NCALD: variants seen among roughly 807,000 people sequenced by gnomAD.
NCALD encodes the protein neurocalcin-delta.
NCALD carries 10 observed loss-of-function variants against 18.6 expected under a neutral mutation model. That is an observed-to-expected ratio of 0.54 (90% CI 0.33 to 0.91). The LOEUF is 0.91. NCALD is among the 40% of genes least tolerant of loss of function. The probability of loss-of-function intolerance (pLI) is 0.03; values close to 1 mark genes in which losing one functional copy is unlikely to be tolerated. For missense variants in NCALD, 184 were observed against 247.6 expected, an observed-to-expected ratio of 0.74 and a Z score of 1.72; for synonymous variants, 88 against 87.4, an observed-to-expected ratio of 1.01 and a Z score of -0.04.
chr8:101,998,816 T>C (rs936648982), intron 2 of NCALD, among the ~76,000 whole-genome samples: 1 of 152,170 alleles, frequency 6.6e-6, no homozygotes, highest in African/African-American at 2.4e-5. Context: ...GACCCCAGTG[T>C]AACCAGTTTT....
intron 2 of NCALD, among the ~76,000 whole-genome samples, chr8:101,944,734 C>A (rs969525435): frequency 1.3e-5 from 2 of 152,146 alleles, no homozygotes; most frequent in African/African-American, 4.8e-5. Flanking sequence ...ATGGTGATGG[C>A]AGCCCTCTTT....
chr8:101,897,516 T>C (rs75670740), intron 3 of NCALD, among the ~76,000 whole-genome samples: 1 of 147,684 alleles, frequency 6.8e-6, no homozygotes, highest in African/African-American at 2.5e-5. Flanking sequence ...TAAAGTATAA[T>C]AAAAAAAAAA....
chr8:101,862,164 AATC>A (rs1197528099), intron 4 of NCALD, among the ~76,000 whole-genome samples: 1 of 152,236 alleles, frequency 6.6e-6, no homozygotes, highest in Non-Finnish European at 1.5e-5. Context: ...ACTTAAAATC[AATC>A]CAAAACAAAG....
chr8:102,054,705 GATAGATAGA>G (rs1563578254), intron 1 of NCALD, among the ~76,000 whole-genome samples: 3 of 115,406 alleles, frequency 2.6e-5, no homozygotes, highest in African/African-American at 9.2e-5. Context: ...TAGATAGATA[GATAGATAGA>G]TAGATATCCT....
At chr8:101,731,648 C>T (rs907586874) in intron 1 of NCALD, among the ~76,000 whole-genome samples, 1 of 152,102 alleles carries the variant, frequency 6.6e-6, no homozygotes, top group African/African-American at 2.4e-5. Flanking sequence ...CATGTAAATA[C>T]GCTCTCTCCT....
At chr8:102,051,527 A>AAGGCAC (rs2132223653) in intron 1 of NCALD, among the ~76,000 whole-genome samples, 1 of 152,306 alleles carries the variant, frequency 6.6e-6, no homozygotes, top group South Asian at 2.1e-4. Context: ...ATTGTTATAA[A>AAGGCAC]AATATAAAAC....
At chr8:102,052,586 A>G (rs1823492529) in intron 1 of NCALD, among the ~76,000 whole-genome samples, 2 of 152,358 alleles carry the variant, frequency 1.3e-5, no homozygotes, top group South Asian at 4.1e-4. Context: ...TTCCTTAAAG[A>G]CTTCCATCTC....
chr8:101,910,378 CAGAA>C (rs1817751981), intron 3 of NCALD, among the ~76,000 whole-genome samples: 1 of 151,992 alleles, frequency 6.6e-6, no homozygotes, highest in African/African-American at 2.4e-5. Flanking sequence ...CTGAGGTCGC[CAGAA>C]AAGGAGAGCT....
intron 4 of NCALD, among the ~76,000 whole-genome samples, chr8:101,882,789 T>TG (rs1267024411): frequency 2.0e-5 from 3 of 152,204 alleles, no homozygotes; most frequent in Non-Finnish European, 4.4e-5. Context: ...ATACTCTCTA[T>TG]GTAGCTATGC....
At chr8:101,884,414 G>A (rs926066413) in intron 4 of NCALD, among the ~76,000 whole-genome samples, 2 of 152,124 alleles carry the variant, frequency 1.3e-5, no homozygotes, top group Non-Finnish European at 2.9e-5. Context: ...CACAGTGCCT[G>A]TCACATAGCA....
At chr8:101,813,120 T>C (rs1224104717) in intron 4 of NCALD, among the ~76,000 whole-genome samples, 1 of 152,016 alleles carries the variant, frequency 6.6e-6, no homozygotes, top group African/African-American at 2.4e-5. Context: ...GATACAGTTA[T>C]TGAAGAATTT....
At chr8:101,736,929 A>G (rs898858602) in intron 1 of NCALD, among the ~76,000 whole-genome samples, 3 of 152,204 alleles carry the variant, frequency 2.0e-5, no homozygotes, top group African/African-American at 4.8e-5. Flanking sequence ...TGACTGATTG[A>G]GTGCATTAAT....
At chr8:101,827,851 A>G (rs1404925756) in intron 4 of NCALD, among the ~76,000 whole-genome samples, 1 of 152,118 alleles carries the variant, frequency 6.6e-6, no homozygotes, top group Non-Finnish European at 1.5e-5. Context: ...TTTCTACCTC[A>G]ATTGCCTTTG....
At position 101,687,131 on chromosome 8, in the gene NCALD, G is replaced by A. The variant is rs1814505604; in HGVS notation, c.*2178C>T. On this transcript the variant is annotated 3_prime_UTR_variant, in exon 4 of 4. Transcript: ENST00000220931. ...CCTCTACTCCTCACTCCAGCTCTAG[G>A]TTCCAAGGAACAGAGTGGGTCTGGC... 1 of 152,246 alleles carries A rather than the reference G, an allele frequency of 6.6e-6. No individual in the cohort carries two copies. The highest frequency in any genetic ancestry group is 6.5e-5 in the Admixed American group (1 of 15,284). 9.4% of individuals were successfully genotyped at this position (152,246 alleles called of 1,614,324 possible). A position where few individuals can be genotyped will look rare whatever the true frequency, so the allele number is the denominator to read the frequency against.
chr8:101,724,291 CAG>C (rs1157776948), intron 1 of NCALD, among the ~76,000 whole-genome samples: 3 of 152,176 alleles, frequency 2.0e-5, no homozygotes, highest in Non-Finnish European at 2.9e-5. Flanking sequence ...AAACTATAAT[CAG>C]AGTGTAAAGA....
chr8:102,102,458 C>A (rs1371851099), intron 1 of NCALD, among the ~76,000 whole-genome samples: 1 of 152,218 alleles, frequency 6.6e-6, no homozygotes, highest in Non-Finnish European at 1.5e-5. Context: ...TGCGTCAGAG[C>A]TGGCAGGGAC....
chr8:102,084,081 GCA>G (rs1824649079), intron 1 of NCALD, among the ~76,000 whole-genome samples: 2 of 152,188 alleles, frequency 1.3e-5, no homozygotes, highest in African/African-American at 2.4e-5. Flanking sequence ...CTCTCTAAAT[GCA>G]CAGTCAGAAT....
intron 2 of NCALD, among the ~76,000 whole-genome samples, chr8:101,716,753 T>C (rs945397098): frequency 3.3e-5 from 5 of 152,260 alleles, no homozygotes; most frequent in African/African-American, 1.2e-4. Context: ...AATATTGAGA[T>C]GGAAGGAAAA....
intron 1 of NCALD, among the ~76,000 whole-genome samples, chr8:102,036,777 CAACA>C (rs1293894464): frequency 1.3e-5 from 2 of 150,368 alleles, no homozygotes; most frequent in African/African-American, 5.0e-5. Context: ...ACAACAACAA[CAACA>C]AAAAAATATA....
Sources: allele counts gnomAD v4.1 joint callset (sites outside exome capture counted in the v4.1 genomes callset), GRCh38; gene constraint gnomAD v4.1.1; transcripts MANE v1.5; gene names NCBI Gene and HGNC (gene_info 2026-07-23, HGNC 2026-07-21).